The following ADD3 variants were observed in gnomAD, a reference collection of about 807,000 sequenced individuals.
ADD3 encodes gamma-adducin.
ADD3 carries 25 observed loss-of-function variants against 80.2 expected under a neutral mutation model. That is an observed-to-expected ratio of 0.31 (90% confidence interval 0.23 to 0.44). The LOEUF is 0.44. ADD3 is among the 20% of genes least tolerant of loss of function. The pLI, the probability that ADD3 is intolerant of heterozygous loss-of-function variation, is 1.00. For synonymous variants in ADD3, 284 were observed against 289.6 expected, an observed-to-expected ratio of 0.98 and a Z score of 0.20; for missense variants, 829 against 847.5, an observed-to-expected ratio of 0.98 and a Z score of 0.27.
rs369234729 is a variant in ADD3, at chr10:110,116,264, G to T, written c.340G>T (p.Gly114Cys). ...SGFSSPPLSL[G>C]MVTPINDLPG... ...CACATTTTTTGCTCTTTTAGGTCTT[G>T]GCATGGTCACACCTATCAATGACCT... Residue 114 changes from glycine to cysteine, a missense_variant, in exon 4 of 15, where the codon GGC (glycine) becomes TGC (cysteine). Gly to Cys is a radical substitution (Grantham distance 159). Transcript: ENST00000356080. 152 of 1,613,636 alleles carry T rather than the reference G, an allele frequency of 9.4e-5. No individual in the cohort carries two copies. Among genetic ancestry groups the T allele is most frequent in the Non-Finnish European group, 1.3e-4 (148 of 1,179,880 alleles).
At chr10:110,128,994 G>T (rs940671366) in intron 12 of ADD3, among the ~76,000 whole-genome samples, 1 of 152,108 alleles carries the variant, frequency 6.6e-6, no homozygotes, top group East Asian at 1.9e-4. Context: ...TTTCTCTGGG[G>T]AATCCCCAAA....
intron 1 of ADD3, among the ~76,000 whole-genome samples, chr10:110,076,802 A>C (rs147837078): frequency 1.3e-5 from 2 of 152,376 alleles, no homozygotes; most frequent in Non-Finnish European, 2.9e-5. Context: ...CACAAACAAG[A>C]AATGAGAATA....
chr10:110,110,774 C>A (rs981128746), intron 2 of ADD3, among the ~76,000 whole-genome samples: 10 of 151,918 alleles, frequency 6.6e-5, no homozygotes, highest in African/African-American at 2.4e-4. Flanking sequence ...ACAGGTGGAT[C>A]ACTTGAGGAC....
chr10:110,018,400 C>T (rs577525339), intron 1 of ADD3, among the ~76,000 whole-genome samples: 2 of 151,844 alleles, frequency 1.3e-5, no homozygotes, highest in East Asian at 1.9e-4. Flanking sequence ...TGGTGGCAGG[C>T]GCCTGTAATC....
intron 1 of ADD3, among the ~76,000 whole-genome samples, chr10:110,083,465 G>A (rs1846321511): frequency 6.6e-6 from 1 of 151,878 alleles, no homozygotes; most frequent in Admixed American, 6.6e-5. Context: ...GCAGTGAGCC[G>A]AGATCGCGCC....
chr10:110,045,888 A>G (rs908971065), intron 1 of ADD3, among the ~76,000 whole-genome samples: 5 of 152,122 alleles, frequency 3.3e-5, no homozygotes, highest in Non-Finnish European at 7.4e-5. Flanking sequence ...CCGTGAGCTC[A>G]AGTGTTAGGA....
At chr10:110,130,626 C>T in intron 13 of ADD3, 140 bp downstream of exon 13, 1 of 854,046 alleles carries the variant, frequency 1.2e-6, no homozygotes, top group South Asian at 2.0e-5. Context: ...GAGACCAAGG[C>T]AGGTGGATTG....
chr10:110,070,746 G>T (rs560193796), intron 1 of ADD3, among the ~76,000 whole-genome samples: 3 of 152,126 alleles, frequency 2.0e-5, no homozygotes, highest in South Asian at 4.1e-4. Context: ...GATAAAGATT[G>T]GGGGGTAGGG....
At position 110,118,373 on chromosome 10, in the gene ADD3, G is replaced by A. The variant is rs539336992; in HGVS notation, c.568-214G>A. Among the ~76,000 whole-genome samples, 121 of 152,258 alleles carry A rather than the reference G, an allele frequency of 7.9e-4. 1 individual carries two copies. The highest frequency in any genetic ancestry group is 2.8e-3 in the African/African-American group (116 of 41,550). ...ACCTGTTTTATAAATAAAGTTTTATGGGAACAAAGCTATACCTGTTAACTT... is the reference window on the plus strand; with the variant it reads ...ACCTGTTTTATAAATAAAGTTTTATAGGAACAAAGCTATACCTGTTAACTT... On this transcript the variant is annotated intron_variant, in intron 5 of 14. Coordinates refer to ENST00000356080, the MANE Select transcript of ADD3 (RefSeq NM_016824.5).
At chr10:110,131,257 C>T (rs1234393015) in intron 13 of ADD3, among the ~76,000 whole-genome samples, 1 of 152,192 alleles carries the variant, frequency 6.6e-6, no homozygotes, top group Non-Finnish European at 1.5e-5. Context: ...TTAATGAAAA[C>T]ATCTTAAACA....
chr10:110,048,599 T>A (rs1857153936), intron 1 of ADD3, among the ~76,000 whole-genome samples: 1 of 151,626 alleles, frequency 6.6e-6, no homozygotes, highest in East Asian at 1.9e-4. Flanking sequence ...GTGACTCTTC[T>A]GTGTTTTAGC....
chr10:110,000,994 T>C (rs990329869), upstream of ADD3, among the ~76,000 whole-genome samples: 1 of 152,214 alleles, frequency 6.6e-6, no homozygotes, highest in Non-Finnish European at 1.5e-5. Context: ...TGGAAACTCA[T>C]TTTTGAACAC....
chr10:110,068,055 C>T (rs1844191365), intron 1 of ADD3, among the ~76,000 whole-genome samples: 2 of 152,248 alleles, frequency 1.3e-5, no homozygotes, highest in South Asian at 2.1e-4. Context: ...TGTTCACTTG[C>T]TCAGTGTTCC....
chr10:110,079,670 C>T (rs1254349906), intron 1 of ADD3, among the ~76,000 whole-genome samples: 1 of 151,916 alleles, frequency 6.6e-6, no homozygotes, highest in Non-Finnish European at 1.5e-5. Flanking sequence ...ATTCTCCTGC[C>T]TTAGCCTCCC....
intron 1 of ADD3, among the ~76,000 whole-genome samples, chr10:110,092,666 A>G (rs1847678736): frequency 6.6e-6 from 1 of 152,106 alleles, no homozygotes; most frequent in African/African-American, 2.4e-5. Context: ...CCAAACCCCA[A>G]TGCCGTACAA....
chr10:110,031,556 A>G (rs1855027035), intron 1 of ADD3, among the ~76,000 whole-genome samples: 1 of 151,946 alleles, frequency 6.6e-6, no homozygotes, highest in Non-Finnish European at 1.5e-5. Flanking sequence ...TTTCATTTCC[A>G]TGTGTGTCCT....
At chr10:110,019,390 T>C (rs1184524217) in intron 1 of ADD3, among the ~76,000 whole-genome samples, 1 of 151,328 alleles carries the variant, frequency 6.6e-6, no homozygotes, top group Non-Finnish European at 1.5e-5. Context: ...AGTCTTGCTC[T>C]GTTGCCCAGG....
chr10:110,043,933 G>A (rs1856639994), intron 1 of ADD3, among the ~76,000 whole-genome samples: 2 of 152,322 alleles, frequency 1.3e-5, no homozygotes, highest in South Asian at 4.1e-4. Context: ...AACAGGCCGG[G>A]TGCGGTGGCT....
intron 1 of ADD3, among the ~76,000 whole-genome samples, chr10:110,099,611 G>C (rs969946455): frequency 6.6e-6 from 1 of 152,222 alleles, no homozygotes. Context: ...ATATTTGTAT[G>C]TGAATACAAT....
Sources: gnomAD v4.1 joint callset for allele counts (sites outside exome capture counted in the v4.1 genomes callset) on GRCh38, gnomAD v4.1.1 for gene constraint, MANE v1.5 for transcripts, NCBI Gene and HGNC (gene_info 2026-07-23, HGNC 2026-07-21) for gene names.